CNDP2: variants seen among roughly 807,000 people sequenced by gnomAD.
The protein encoded by CNDP2 is carnosine dipeptidase 2, also known as cytosolic non-specific dipeptidase.
Under a neutral mutation model 55.0 loss-of-function variants are expected in CNDP2, and 38 were observed. The observed-to-expected ratio is 0.69, with a 90% CI of 0.53 to 0.90. CNDP2 has a LOEUF of 0.90. CNDP2 is among the 40% of genes least tolerant of loss of function. The pLI is 0.00. For synonymous variants in CNDP2, 241 were observed against 260.2 expected (o/e 0.93, Z 0.71); for missense variants, 607 against 621.7 (o/e 0.98, Z 0.25).
intron 4 of CNDP2, among the ~76,000 whole-genome samples, chr18:74,506,859 T>C (rs1979056713): frequency 6.6e-6 from 1 of 152,224 alleles, no homozygotes; most frequent in Admixed American, 6.5e-5. Context: ...CTTTCATTTC[T>C]GAATTTCCAC....
chr18:74,519,150 G>A (rs537574579), intron 11 of CNDP2, 54 bp downstream of exon 11: 14 of 1,534,144 alleles, frequency 9.1e-6, no homozygotes, highest in South Asian at 2.5e-5. Flanking sequence ...CGTCCCTCTC[G>A]CCCCTTCCCC....
intron 8 of CNDP2, among the ~76,000 whole-genome samples, chr18:74,515,956 T>C (rs79793538): frequency 0.038 from 5,744 of 152,292 alleles, 343 homozygotes; most frequent in African/African-American, 0.13. Flanking sequence ...CTCGCCTAGT[T>C]CTGCCAGGTG....
Position 74,501,455 on chromosome 18 carries a change from G to A in CNDP2, c.187G>A (p.Asp63Asn). The change falls in exon 3 of 12, where the codon GAT (aspartate) becomes AAT (asparagine). Residue 63 changes from aspartate to asparagine, a missense_variant. Asp to Asn is a conservative substitution (Grantham distance 23, BLOSUM62 1). Coordinates refer to ENST00000324262, the MANE Select transcript of CNDP2 (RefSeq NM_018235.3). ...KQLGGSVELV[D>N]IGKQKLPDGS... Reference sequence around the variant, plus strand: ...GTTGGGGGGCTCTGTGGAACTGGTGGATATCGGAAAACAAAAGGTAGGAGG... The same window carrying A: ...GTTGGGGGGCTCTGTGGAACTGGTGAATATCGGAAAACAAAAGGTAGGAGG... 2 of 1,613,640 alleles carry A rather than the reference G, an allele frequency of 1.2e-6. No individual in the cohort carries two copies. Among genetic ancestry groups the A allele is most frequent in the Non-Finnish European group, 1.7e-6 (2 of 1,179,786 alleles).
At position 74,518,976 on chromosome 18, in the gene CNDP2, G is replaced by A; in HGVS notation, c.1238G>A (p.Arg413Lys). 6.2e-7 allele frequency: 1 copy of A among 1,614,134 alleles called. No homozygotes were observed. Among genetic ancestry groups the A allele is most frequent in the Non-Finnish European group, 8.5e-7 (1 of 1,180,024 alleles). ...TTTGGTGTTGAGCCAGACTTGACCA[G>A]GGAAGGCGGCAGTATTCCCGTGACC... is the stretch of plus-strand genomic sequence containing the variant. ...TVFGVEPDLT[R>K]EGGSIPVTLT... Residue 413 changes from arginine (R) to lysine (K), a missense_variant, in exon 11 of 12, where the codon AGG becomes AAG. Transcript: ENST00000324262.
intron 7 of CNDP2, among the ~76,000 whole-genome samples, chr18:74,513,271 G>T (rs183843026): frequency 6.6e-5 from 10 of 152,334 alleles, no homozygotes; most frequent in Admixed American, 1.3e-4. Flanking sequence ...CCTTACCTGA[G>T]AAATGGGAAT....
chr18:74,512,580 G>A, intron 7 of CNDP2, 48 bp downstream of exon 7: 1 of 1,501,974 alleles, frequency 6.7e-7, no homozygotes, highest in Non-Finnish European at 9.3e-7. Flanking sequence ...AAGTGGATGG[G>A]CGTGACTTCC....
In CNDP2 at chr18:74,501,386, G is replaced by A. The variant is rs200002510; in HGVS notation, c.118G>A (p.Glu40Lys). The A allele has an allele frequency of 2.4e-5, 38 of 1,614,022 alleles. No individual in the cohort carries two copies. The Admixed American group carries it at 2.7e-4, about 11-fold the overall frequency. ...GTCTGCGTGGCCGGAGAAGAGAGGC[G>A]AAATCAGGAGGATGATGGAAGTTGC... ...SVSAWPEKRG[E>K]IRRMMEVAAA... Residue 40 changes from glutamate (E) to lysine (K), a missense_variant, in exon 3 of 12, where the codon GAA (glutamate) becomes AAA (lysine). Coordinates refer to ENST00000324262, the MANE Select transcript of CNDP2 (RefSeq NM_018235.3).
intron 8 of CNDP2, 90 bp downstream of exon 8, chr18:74,513,809 G>GAA: frequency 1.5e-6 from 2 of 1,330,030 alleles, no homozygotes; most frequent in Non-Finnish European, 2.1e-6. Flanking sequence ...TGGGTCCAGG[G>GAA]GGTCTCTGAG....
At chr18:74,503,755 C>G (rs1978843019) in intron 3 of CNDP2, among the ~76,000 whole-genome samples, 1 of 150,242 alleles carries the variant, frequency 6.7e-6, no homozygotes, top group Non-Finnish European at 1.5e-5. Context: ...GATACAGCCA[C>G]AGTGACGCTG....
At chr18:74,507,941 T>C (rs1334004000) in intron 4 of CNDP2, 2 of 152,306 alleles carry the variant, frequency 1.3e-5, no homozygotes, top group African/African-American at 2.4e-5. Flanking sequence ...TAGAAAAGCT[T>C]ATATTTGATC....
chr18:74,511,549 A>G (rs1979352392), intron 6 of CNDP2, among the ~76,000 whole-genome samples: 1 of 152,136 alleles, frequency 6.6e-6, no homozygotes, highest in South Asian at 2.1e-4. Context: ...TCCACTAAAA[A>G]TACAAAAAGT....
intron 5 of CNDP2, among the ~76,000 whole-genome samples, chr18:74,510,477 T>A (rs996373873): frequency 1.1e-4 from 17 of 152,160 alleles, no homozygotes; most frequent in African/African-American, 4.1e-4. Flanking sequence ...CACCTCCTCG[T>A]GTCGGTGGCT....
At chr18:74,512,831 G>A (rs1979430491) in intron 7 of CNDP2, among the ~76,000 whole-genome samples, 1 of 152,138 alleles carries the variant, frequency 6.6e-6, no homozygotes, top group African/African-American at 2.4e-5. Context: ...CGAGGCACGT[G>A]GTGCTGTCCT....
chr18:74,503,709 G>C (rs1016203726), intron 3 of CNDP2, among the ~76,000 whole-genome samples: 1 of 152,264 alleles, frequency 6.6e-6, no homozygotes, highest in Admixed American at 6.5e-5. Flanking sequence ...TTTGTCCCTG[G>C]TGGGTACAGG....
intron 5 of CNDP2, chr18:74,509,180 G>C: frequency 2.1e-6 from 1 of 473,090 alleles, no homozygotes. Context: ...CGTGATTTTT[G>C]CCACCGCATG....
chr18:74,520,240 C>T lies in CNDP2; in HGVS notation c.*172C>T. ...TCCAGCTGTCCACGGGTGGAGCTAC[C>T]CGTTGGGCTTATGAGTGACCTGGAG... is the stretch of plus-strand genomic sequence containing the variant. On this transcript the variant is annotated 3_prime_UTR_variant, in exon 12 of 12. Coordinates refer to ENST00000324262, the MANE Select transcript of CNDP2 (RefSeq NM_018235.3). 6.4e-6 allele frequency: 4 copies of T among 626,932 alleles called. No homozygotes were observed. In the East Asian group the frequency reaches 1.2e-4, roughly 18 times the overall value. The allele number at this position is 626,932 out of a possible 1,614,324, so 38.8% of individuals were successfully genotyped here.
rs1978693913 is a variant in CNDP2, at chr18:74,501,449, C to T, written c.181C>T (p.Leu61=). 6.2e-7 allele frequency: 1 copy of T among 1,613,690 alleles called. No individual in the cohort carries two copies. The highest frequency in any genetic ancestry group is 8.5e-7 in the Non-Finnish European group (1 of 1,179,900). ...TAAGCAGTTGGGGGGCTCTGTGGAA[C>T]TGGTGGATATCGGAAAACAAAAGGT... ...DVKQLGGSVE[L]VDIGKQKLPD... The change falls in exon 3 of 12, where the codon CTG becomes TTG. Residue 61 remains leucine, a synonymous_variant. Coordinates refer to ENST00000324262, the MANE Select transcript of CNDP2 (RefSeq NM_018235.3).
chr18:74,501,172 C>T, intron 2 of CNDP2, 157 bp from the exon 3 acceptor site: 2 of 1,371,682 alleles, frequency 1.5e-6, no homozygotes, highest in Non-Finnish European at 1.9e-6. Flanking sequence ...AAATCTTTAA[C>T]CCAAAGCACA....
intron 9 of CNDP2, chr18:74,516,658 C>A: frequency 2.3e-6 from 1 of 435,868 alleles, no homozygotes; most frequent in African/African-American, 2.0e-5. Context: ...CAAACACCAA[C>A]TTTGGACCAA....
Sources: gnomAD v4.1 joint callset for allele counts (sites outside exome capture counted in the v4.1 genomes callset) on GRCh38, gnomAD v4.1.1 for gene constraint, MANE v1.5 for transcripts, NCBI Gene and HGNC (gene_info 2026-07-23, HGNC 2026-07-21) for gene names.